Variants in DGKI observed in about 807,000 individuals in gnomAD.
The protein encoded by DGKI is DAG kinase iota.
A neutral mutation model predicts 147.5 loss-of-function variants in DGKI; 55 were observed. That is an observed-to-expected ratio of 0.37 (90% CI 0.30 to 0.47). The LOEUF (loss-of-function observed/expected upper bound fraction) is 0.47, where lower values mean the gene tolerates loss of function less well. Among genes scored for constraint, DGKI ranks in the 20% least tolerant of loss-of-function variants. The pLI, the probability that DGKI is intolerant of heterozygous loss-of-function variation, is 1.00. For missense variants in DGKI, 1,007 were observed against 1,323.8 expected, an observed-to-expected ratio of 0.76 and a Z score of 3.71; for synonymous variants, 469 against 477.1, an observed-to-expected ratio of 0.98 and a Z score of 0.22.
rs1214266134 is a variant in DGKI at position 137,463,520 on chromosome 7, G to T, written c.2704C>A (p.Leu902Met). ...ACGCGGGAGTGGCTGAGATCTTTCA[G>T]ATCTGAGTCCTCATAATAGGGAGCT... ...MIAPYYEDSD[L>M]KDLSHSRVLQ... The change falls in exon 27 of 33, where the codon CTG becomes ATG. Residue 902 changes from leucine (L) to methionine (M), a missense_variant. Around this residue, in one of 5 missense-constraint regions of DGKI, gnomAD observed 385 missense variants for 445.2 expected, o/e 0.86. Transcript: ENST00000614521. The T allele has an allele frequency of 6.2e-7, 1 of 1,614,066 alleles. No individual in the cohort carries two copies. The highest frequency in any genetic ancestry group is 8.5e-7 in the Non-Finnish European group (1 of 1,180,038).
At chr7:137,649,951 T>C (rs1460784310) in intron 5 of DGKI, among the ~76,000 whole-genome samples, 1 of 150,770 alleles carries the variant, frequency 6.6e-6, no homozygotes, top group African/African-American at 2.5e-5. Context: ...CAGGGCATAG[T>C]GACCAACAAT....
intron 23 of DGKI, among the ~76,000 whole-genome samples, chr7:137,479,808 G>C (rs1442933123): frequency 2.0e-5 from 3 of 151,956 alleles, no homozygotes; most frequent in African/African-American, 7.3e-5. Flanking sequence ...ATTCTCATCT[G>C]TCTGCCCCAA....
intron 1 of DGKI, among the ~76,000 whole-genome samples, chr7:137,749,542 G>A (rs28702550): frequency 0.015 from 2,209 of 152,174 alleles, 55 homozygotes; most frequent in African/African-American, 0.05. Context: ...AAGAAACCCT[G>A]GTTGCTTTTA....
intron 1 of DGKI, among the ~76,000 whole-genome samples, chr7:137,711,789 G>A (rs1381851539): frequency 6.0e-5 from 9 of 150,166 alleles, no homozygotes; most frequent in African/African-American, 2.0e-4. Context: ...CGCCTCCTGG[G>A]TTTAAGCGAT....
At chr7:137,674,555 G>C (rs1245590192) in intron 3 of DGKI, among the ~76,000 whole-genome samples, 1 of 152,144 alleles carries the variant, frequency 6.6e-6, no homozygotes, top group Non-Finnish European at 1.5e-5. Flanking sequence ...GTATTCTATA[G>C]TCATGCTTCC....
intron 2 of DGKI, among the ~76,000 whole-genome samples, chr7:137,682,886 A>T (rs1349775395): frequency 1.3e-5 from 2 of 152,116 alleles, no homozygotes; most frequent in African/African-American, 2.4e-5. Flanking sequence ...CTGAATAGCT[A>T]TGTGAGAAAG....
At chr7:137,557,882 T>C (rs1360708988) in intron 19 of DGKI, among the ~76,000 whole-genome samples, 3 of 152,198 alleles carry the variant, frequency 2.0e-5, no homozygotes, top group Non-Finnish European at 2.9e-5. Flanking sequence ...CTCTGTTTTA[T>C]AGCCTGAGCT....
At chr7:137,599,140 A>G (rs963417661) in intron 11 of DGKI, among the ~76,000 whole-genome samples, 3 of 152,202 alleles carry the variant, frequency 2.0e-5, no homozygotes, top group African/African-American at 7.2e-5. Flanking sequence ...CATGAATTTA[A>G]AACGGAGAAC....
chr7:137,608,400 T>C (rs1236432241), intron 10 of DGKI, among the ~76,000 whole-genome samples: 2 of 152,176 alleles, frequency 1.3e-5, no homozygotes, highest in East Asian at 3.8e-4. Flanking sequence ...ACTTAACTTT[T>C]CTAAGTCAAT....
intron 3 of DGKI, among the ~76,000 whole-genome samples, chr7:137,675,092 T>C (rs1227043439): frequency 6.6e-6 from 1 of 152,140 alleles, no homozygotes; most frequent in Non-Finnish European, 1.5e-5. Context: ...TGCATACTTT[T>C]TTCCCAAAAA....
Position 137,660,594 on chromosome 7 carries a change from A to G in DGKI, c.607-4054T>C, listed in dbSNP as rs569837732. Among the ~76,000 whole-genome samples, 10 of 152,304 alleles carry G rather than the reference A, an allele frequency of 6.6e-5. No homozygotes were observed. The South Asian group carries it at 1.5e-3, about 22-fold the overall frequency. On this transcript the variant is annotated intron_variant, in intron 3 of 32. Coordinates refer to ENST00000614521, the MANE Select transcript of DGKI (RefSeq NM_001321708.2). The stretch of plus-strand genomic sequence containing the variant: ...GCATCAGTGGCAGGCAGTGGTAGAG[A>G]GTATACAATTGTCCCTAATAAAGAG...
intron 1 of DGKI, among the ~76,000 whole-genome samples, chr7:137,828,617 C>G (rs1358571531): frequency 6.6e-6 from 1 of 152,162 alleles, no homozygotes; most frequent in Non-Finnish European, 1.5e-5. Flanking sequence ...GCAGAGAATG[C>G]ACATTACTTG....
chr7:137,570,655 A>G (rs1585242011), intron 19 of DGKI, among the ~76,000 whole-genome samples: 1 of 151,414 alleles, frequency 6.6e-6, no homozygotes, highest in East Asian at 1.9e-4. Context: ...GCAGTGGCAC[A>G]ATTTCAGCTC....
intron 1 of DGKI, among the ~76,000 whole-genome samples, chr7:137,729,920 AAAC>A (rs1794823259): frequency 6.6e-6 from 1 of 152,120 alleles, no homozygotes; most frequent in Admixed American, 6.6e-5. Flanking sequence ...GACACTGATC[AAAC>A]GTAGTGGTTT....
At chr7:137,587,677 CTAAT>C (rs1819456222) in intron 12 of DGKI, among the ~76,000 whole-genome samples, 1 of 152,114 alleles carries the variant, frequency 6.6e-6, no homozygotes, top group South Asian at 2.1e-4. Flanking sequence ...CGATTGTTTA[CTAAT>C]TAAACTAAAA....
chr7:137,691,568 A>G (rs1823604232), intron 1 of DGKI, among the ~76,000 whole-genome samples: 1 of 152,184 alleles, frequency 6.6e-6, no homozygotes, highest in Non-Finnish European at 1.5e-5. Context: ...AAGGAATAGG[A>G]ACAGAATTTA....
intron 20 of DGKI, among the ~76,000 whole-genome samples, chr7:137,544,561 T>C (rs1025028445): frequency 1.9e-4 from 29 of 152,276 alleles, no homozygotes; most frequent in African/African-American, 7.0e-4. Flanking sequence ...ATAAGTAAAT[T>C]AGTATCCATA....
At chr7:137,754,005 G>A (rs1158622805) in intron 1 of DGKI, among the ~76,000 whole-genome samples, 4 of 152,110 alleles carry the variant, frequency 2.6e-5, no homozygotes, top group Admixed American at 2.6e-4. Context: ...AGAAGAAGTA[G>A]TAGTTCCCCT....
intron 30 of DGKI, among the ~76,000 whole-genome samples, chr7:137,403,561 G>C (rs1811840698): frequency 2.0e-5 from 3 of 152,130 alleles, no homozygotes; most frequent in Admixed American, 6.6e-5. Flanking sequence ...CAGGAGTAAG[G>C]CTGCAGGAAG....
Sources: gnomAD v4.1 joint callset for allele counts (sites outside exome capture counted in the v4.1 genomes callset) on GRCh38, gnomAD v4.1.1 for gene constraint, gnomAD v4.1.1 regional missense constraint, MANE v1.5 for transcripts, NCBI Gene and HGNC (gene_info 2026-07-23, HGNC 2026-07-21) for gene names.